LRRCC1: variants seen among roughly 807,000 people sequenced by gnomAD.
LRRCC1 encodes the protein leucine rich repeat and coiled-coil centrosomal protein 1.
LRRCC1 carries 115 observed loss-of-function variants against 126.0 expected under a neutral mutation model. The ratio of observed to expected loss-of-function variants is 0.91; its 90% CI spans 0.78 to 1.07. LRRCC1 has a LOEUF of 1.07. LRRCC1 is among the 50% of genes least tolerant of loss of function. The pLI, the probability that LRRCC1 is intolerant of heterozygous loss-of-function variation, is 0.00. For synonymous variants in LRRCC1, 400 were observed against 393.4 expected, an observed-to-expected ratio of 1.02 and a Z score of -0.20; for missense variants, 1,172 against 1,175.7, an observed-to-expected ratio of 1.00 and a Z score of 0.05.
In LRRCC1 at chr8:85,135,810, A is replaced by G; in HGVS notation, c.2176A>G (p.Ile726Val). ...NLQNQINTLE[I>V]LIEDDKQKSI... is the part of the protein sequence containing the mutation. ...ACAGAATCAAATCAACACCCTTGAA[A>G]TTTTAATTGAAGATGACAAGCAGAA... The change falls in exon 14 of 19, where the codon ATT becomes GTT. Residue 726 changes from isoleucine (I) to valine (V), a missense_variant. Transcript: ENST00000360375. The G allele has an allele frequency of 1.3e-6, 2 of 1,556,564 alleles. No homozygotes were observed. Among genetic ancestry groups the G allele is most frequent in the Non-Finnish European group, 8.7e-7 (1 of 1,151,978 alleles).
In LRRCC1 at chr8:85,137,947, T is replaced by C; in HGVS notation, c.2494-88T>C. On this transcript the variant is annotated intron_variant, in intron 15 of 18. Coordinates refer to ENST00000360375, the MANE Select transcript of LRRCC1 (RefSeq NM_033402.5). The stretch of plus-strand genomic sequence containing the variant: ...CATTTTATATGTTTAAAATATTATT[T>C]TAAAGGATAAATTAAACCATATCTA... The C allele has an allele frequency of 7.3e-6, 5 of 683,482 alleles. 1 individual carries two copies. The South Asian group carries it at 1.2e-4, about 16-fold the overall frequency. 42.3% of individuals were successfully genotyped at this position (683,482 alleles called of 1,614,324 possible).
chr8:85,135,073 A>G (rs1171414767), intron 13 of LRRCC1, 41 bp downstream of exon 13: 1 of 1,380,364 alleles, frequency 7.2e-7, no homozygotes, highest in Non-Finnish European at 9.5e-7. Flanking sequence ...ATTTTTTTAC[A>G]TTATTTTCTC....
chr8:85,115,159 A>G lies in LRRCC1; in HGVS notation c.604A>G (p.Ile202Val), dbSNP rs765751243. 7.4e-6 allele frequency: 12 copies of G among 1,613,160 alleles called. No homozygotes were observed. Among genetic ancestry groups the G allele is most frequent in the South Asian group, 4.4e-5 (4 of 90,954 alleles). The change falls in exon 5 of 19, where the codon ATA (isoleucine) becomes GTA (valine). Residue 202 changes from isoleucine to valine, a missense_variant. By Grantham distance (29) the Ile-to-Val change is conservative (BLOSUM62 3). Coordinates refer to ENST00000360375, the MANE Select transcript of LRRCC1 (RefSeq NM_033402.5). ...GCTTAGAATCCTAGATTGCAAGAAC[A>G]TATTTGGTGAACCAGTAAATTTGAC... ...PQLRILDCKN[I>V]FGEPVNLTEI...
At chr8:85,128,305 G>T (rs1441158077) in intron 9 of LRRCC1, among the ~76,000 whole-genome samples, 2 of 152,076 alleles carry the variant, frequency 1.3e-5, no homozygotes, top group Non-Finnish European at 2.9e-5. Context: ...AAGACTTTGG[G>T]CACACTTTAT....
At chr8:85,144,418 GTGTGTGTGTA>G (rs200171520) in intron 18 of LRRCC1, among the ~76,000 whole-genome samples, 1 of 18,258 alleles carries the variant, frequency 5.5e-5, no homozygotes, top group African/African-American at 2.5e-4. Context: ...GTGTGTGTGT[GTGTGTGTGTA>G]TGTGTGTGTG....
chr8:85,138,557 G>A, intron 17 of LRRCC1, 82 bp downstream of exon 17: 2 of 1,354,724 alleles, frequency 1.5e-6, no homozygotes, highest in East Asian at 4.8e-5. Context: ...AAAGAGAGGA[G>A]GGCTAAAAAT....
At chr8:85,121,086 T>C (rs1041992110) in intron 6 of LRRCC1, among the ~76,000 whole-genome samples, 1 of 152,234 alleles carries the variant, frequency 6.6e-6, no homozygotes, top group African/African-American at 2.4e-5. Flanking sequence ...TTCCACATCC[T>C]TGCTATCTTG....
chr8:85,109,493 T>C (rs186190312), intron 1 of LRRCC1, 102 bp from the exon 2 acceptor site: 1 of 632,300 alleles, frequency 1.6e-6, no homozygotes, highest in South Asian at 2.4e-5. Context: ...CATTCTAGAA[T>C]GAATAGAGCA....
intron 13 of LRRCC1, 108 bp from the exon 14 acceptor site, chr8:85,135,680 AT>A: frequency 1.5e-6 from 1 of 687,092 alleles, no homozygotes; most frequent in Non-Finnish European, 2.1e-6. Flanking sequence ...ATTTGGTAAT[AT>A]TTACTTGTAT....
rs1472471758 is a variant in LRRCC1 at position 85,138,438 on chromosome 8, C to T, written c.2803C>T (p.Leu935Phe). 3 of 1,611,848 alleles carry T rather than the reference C, an allele frequency of 1.9e-6. No individual in the cohort carries two copies. ...KEKFENKEKKLKAERDKSIEL... is the reference protein window; with the variant it reads ...KEKFENKEKKFKAERDKSIEL... ...AAAATTTGAAAACAAGGAAAAGAAA[C>T]TTAAAGCGGAAAGAGACAAAAGTAT... is the stretch of plus-strand genomic sequence containing the variant. Residue 935 changes from leucine (L) to phenylalanine (F), a missense_variant, in exon 17 of 19, where the codon CTT becomes TTT. Transcript: ENST00000360375.
intron 9 of LRRCC1, 100 bp downstream of exon 9, chr8:85,126,937 A>G (rs1587409118): frequency 2.0e-6 from 2 of 1,010,406 alleles, no homozygotes; most frequent in East Asian, 2.5e-5. Context: ...ATCAACAACA[A>G]TGTATGTGGT....
intron 17 of LRRCC1, among the ~76,000 whole-genome samples, chr8:85,140,015 A>T (rs573716582): frequency 6.6e-6 from 1 of 152,292 alleles, no homozygotes; most frequent in African/African-American, 2.4e-5. Flanking sequence ...GCAATTTTTT[A>T]TCCTGCCAGT....
chr8:85,138,383 T>A lies in LRRCC1; in HGVS notation c.2748T>A (p.His916Gln). 2 of 1,612,500 alleles carry A rather than the reference T, an allele frequency of 1.2e-6. No homozygotes were observed. The highest frequency in any genetic ancestry group is 1.7e-6 in the Non-Finnish European group (2 of 1,179,310). Residue 916 changes from histidine to glutamine, a missense_variant, in exon 17 of 19, where the codon CAT (histidine) becomes CAA (glutamine). His to Gln is a conservative substitution (Grantham distance 24). Coordinates refer to ENST00000360375, the MANE Select transcript of LRRCC1 (RefSeq NM_033402.5). ...KWHDKGELLC[H>Q]LETQVKEVKE... ...ATGATAAAGGAGAACTTCTATGTCA[T>A]CTTGAAACACAAGTAAAAGAAGTGA...
intron 4 of LRRCC1, among the ~76,000 whole-genome samples, chr8:85,114,158 C>T (rs1808930359): frequency 6.6e-6 from 1 of 151,966 alleles, no homozygotes. Flanking sequence ...CTGAGGAAAC[C>T]CTTTCCTTGA....
intron 6 of LRRCC1, among the ~76,000 whole-genome samples, chr8:85,122,782 G>A (rs938343204): frequency 1.8e-4 from 27 of 152,270 alleles, no homozygotes; most frequent in South Asian, 1.0e-3. Flanking sequence ...TTTGAAGTAC[G>A]TCCTGGACAT....
rs1809718038 is a variant in LRRCC1, at chr8:85,123,395, T to C, written c.931-18T>C. On this transcript the variant is annotated intron_variant, in intron 6 of 18. Coordinates refer to ENST00000360375, the MANE Select transcript of LRRCC1 (RefSeq NM_033402.5). ...ATACTGAACTTTTAACAAATTTTGT[T>C]GGCTTTTTAAATTTTAGACTTCTAA... 1 of 1,540,682 alleles carries C rather than the reference T, an allele frequency of 6.5e-7. No individual in the cohort carries two copies. The highest frequency in any genetic ancestry group is 8.8e-7 in the Non-Finnish European group (1 of 1,140,716).
chr8:85,140,312 TTTC>T (rs1198092733), intron 17 of LRRCC1, among the ~76,000 whole-genome samples: 1 of 152,186 alleles, frequency 6.6e-6, no homozygotes, highest in Admixed American at 6.5e-5. Flanking sequence ...TATAGGTTGA[TTTC>T]TTCTATCTTA....
At chr8:85,114,999 T>A in intron 4 of LRRCC1, 101 bp from the exon 5 acceptor site, 1 of 842,864 alleles carries the variant, frequency 1.2e-6, no homozygotes, top group Non-Finnish European at 1.8e-6. Context: ...TCTGGAACTA[T>A]TCCGGGTGAT....
At chr8:85,140,872 A>C (rs1008175735) in intron 17 of LRRCC1, among the ~76,000 whole-genome samples, 5 of 152,030 alleles carry the variant, frequency 3.3e-5, no homozygotes, top group African/African-American at 1.2e-4. Flanking sequence ...AGACCAGCCT[A>C]TCCAACGTAG....
Sources: gnomAD v4.1 joint callset for allele counts (sites outside exome capture counted in the v4.1 genomes callset) on GRCh38, gnomAD v4.1.1 for gene constraint, MANE v1.5 for transcripts, NCBI Gene and HGNC (gene_info 2026-07-23, HGNC 2026-07-21) for gene names.